Variants in BLM observed in about 807,000 individuals in gnomAD.
The protein encoded by BLM is recQ-like DNA helicase BLM.
Under a neutral mutation model 135.3 loss-of-function variants are expected in BLM, and 95 were observed. The ratio of observed to expected loss-of-function variants is 0.70; its 90% CI spans 0.59 to 0.83. The LOEUF (loss-of-function observed/expected upper bound fraction) is 0.83. BLM is among the 40% of genes least tolerant of loss of function. BLM has a pLI of 0.00. For synonymous variants in BLM, 520 were observed against 589.2 expected (o/e 0.88, Z 1.70); for missense variants, 1,518 against 1,663.9 (o/e 0.91, Z 1.53).
intron 1 of BLM, among the ~76,000 whole-genome samples, chr15:90,723,922 C>T (rs1894837536): frequency 6.6e-6 from 1 of 151,998 alleles, no homozygotes; most frequent in African/African-American, 2.4e-5. Context: ...GACTGGCTTA[C>T]TTCACTTTGC....
chr15:90,718,859 A>T (rs901923093), intron 1 of BLM, among the ~76,000 whole-genome samples: 1 of 152,234 alleles, frequency 6.6e-6, no homozygotes, highest in African/African-American at 2.4e-5. Context: ...GCTTCAGGAC[A>T]GGTGGTATTA....
intron 4 of BLM, among the ~76,000 whole-genome samples, chr15:90,752,487 G>T (rs1247148942): frequency 6.6e-6 from 1 of 151,968 alleles, no homozygotes; most frequent in African/African-American, 2.4e-5. Context: ...TTATATAGTT[G>T]ATTTTGACAT....
At chr15:90,804,026 G>A (rs1897228019) in intron 18 of BLM, 141 bp from the exon 19 acceptor site, 4 of 789,212 alleles carry the variant, frequency 5.1e-6, no homozygotes. Context: ...AGAATGCACA[G>A]CCCCTGTTCC....
In BLM at chr15:90,760,610, G is replaced by A. The variant is rs887921909; in HGVS notation, c.1237G>A (p.Glu413Lys). ...QRNIRRKLLT[E>K]VDFNKSDASL... ...TCTCTTCAGAAGGAAACTTCTAACGGAAGTAGATTTTAATAAAAGTGATGC... is the reference window on the plus strand; with the variant it reads ...TCTCTTCAGAAGGAAACTTCTAACGAAAGTAGATTTTAATAAAAGTGATGC... The change falls in exon 7 of 22, where the codon GAA becomes AAA. Residue 413 changes from glutamate to lysine, a missense_variant. Around this residue, in one of 5 missense-constraint regions of BLM, gnomAD observed 724 missense variants for 756.9 expected, o/e 0.96. Transcript: ENST00000355112. 2.0e-5 allele frequency: 32 copies of A among 1,611,320 alleles called. No homozygotes were observed. The highest frequency in any genetic ancestry group is 1.2e-4 in the African/African-American group (9 of 74,856).
intron 7 of BLM, among the ~76,000 whole-genome samples, chr15:90,761,788 G>T (rs962849778): frequency 1.4e-4 from 22 of 152,114 alleles, no homozygotes; most frequent in African/African-American, 5.1e-4. Context: ...CATGTGCTAT[G>T]TTGGGCGCCG....
rs1415034655 is a variant in BLM at position 90,811,473 on chromosome 15, T to C, written c.4076+67T>C. 2.7e-6 allele frequency: 4 copies of C among 1,496,294 alleles called. No homozygotes were observed. The East Asian group carries it at 6.9e-5, about 26-fold the overall frequency. 92.7% of individuals were successfully genotyped at this position (1,496,294 alleles called of 1,614,324 possible). A position where few individuals can be genotyped will look rare whatever the true frequency, so the allele number is the denominator to read the frequency against. On this transcript the variant is annotated intron_variant, in intron 21 of 21. Coordinates refer to ENST00000355112, the MANE Select transcript of BLM (RefSeq NM_000057.4). ...AGAAAGGACAAAAGTGCAACAGCTCTGCCTTGCTTTGAAGGATTTATTAAA... is the reference window on the plus strand; with the variant it reads ...AGAAAGGACAAAAGTGCAACAGCTCCGCCTTGCTTTGAAGGATTTATTAAA...
intron 17 of BLM, among the ~76,000 whole-genome samples, chr15:90,800,244 C>A (rs1897132260): frequency 6.6e-6 from 1 of 152,184 alleles, no homozygotes; most frequent in Admixed American, 6.5e-5. Flanking sequence ...AGCTTAATAT[C>A]AGCAATCCTG....
intron 1 of BLM, among the ~76,000 whole-genome samples, chr15:90,746,036 C>G (rs1164479820): frequency 6.6e-6 from 1 of 152,114 alleles, no homozygotes; most frequent in African/African-American, 2.4e-5. Flanking sequence ...TGTGATTGAG[C>G]CAGTGTACTC....
intron 1 of BLM, 43 bp downstream of exon 1, chr15:90,717,483 T>G (rs1894635459): frequency 6.6e-6 from 1 of 152,516 alleles, no homozygotes; most frequent in African/African-American, 2.4e-5. Flanking sequence ...CGCATTGATC[T>G]AGCCCTGCTC....
At chr15:90,751,291 G>A (rs925677088) in intron 3 of BLM, among the ~76,000 whole-genome samples, 2 of 152,180 alleles carry the variant, frequency 1.3e-5, no homozygotes, top group African/African-American at 2.4e-5. Context: ...CATCAATGAT[G>A]CCTCTGTTTC....
intron 19 of BLM, 147 bp downstream of exon 19, chr15:90,804,506 C>T (rs576023882): frequency 2.3e-5 from 20 of 879,642 alleles, no homozygotes; most frequent in East Asian, 2.1e-4. Context: ...CTGTGTCACC[C>T]GGGCTGGAGT....
chr15:90,805,749 TC>T (rs1049982590), intron 19 of BLM, among the ~76,000 whole-genome samples: 27 of 151,676 alleles, frequency 1.8e-4, no homozygotes, highest in Admixed American at 5.2e-4. Context: ...CAGGCTAGTC[TC>T]GAACTCCTGA....
Position 90,770,069 on chromosome 15 carries a change from G to A in BLM, c.2555+483G>A, listed in dbSNP as rs61118827. On this transcript the variant is annotated intron_variant, in intron 12 of 21. Coordinates refer to ENST00000355112, the MANE Select transcript of BLM (RefSeq NM_000057.4). ...TTGAAAATAGTCCAGATACTATGTCGAATAGCTTTTTTACTTTGTTTTCTT... is the reference window on the plus strand; with the variant it reads ...TTGAAAATAGTCCAGATACTATGTCAAATAGCTTTTTTACTTTGTTTTCTT... Among the ~76,000 whole-genome samples, 578 of 151,874 alleles carry A rather than the reference G, an allele frequency of 3.8e-3. 5 individuals carry two copies. The highest frequency in any genetic ancestry group is 0.012 in the African/African-American group (509 of 41,396).
At chr15:90,788,013 A>G (rs901434536) in intron 14 of BLM, among the ~76,000 whole-genome samples, 31 of 152,130 alleles carry the variant, frequency 2.0e-4, no homozygotes, top group African/African-American at 7.2e-4. Flanking sequence ...TAAGAGCAGA[A>G]TTATATATTA....
intron 21 of BLM, among the ~76,000 whole-genome samples, chr15:90,812,758 C>T (rs1205299309): frequency 6.6e-6 from 1 of 152,170 alleles, no homozygotes; most frequent in Non-Finnish European, 1.5e-5. Flanking sequence ...GAAAGGAAGG[C>T]AGACATTACC....
intron 1 of BLM, among the ~76,000 whole-genome samples, chr15:90,731,486 C>T (rs1264012293): frequency 1.3e-5 from 2 of 152,236 alleles, no homozygotes; most frequent in Admixed American, 6.5e-5. Flanking sequence ...AACTCACCTG[C>T]GCCACTCTGG....
intron 1 of BLM, among the ~76,000 whole-genome samples, chr15:90,732,416 T>G (rs1432358377): frequency 6.6e-6 from 1 of 151,844 alleles, no homozygotes; most frequent in African/African-American, 2.4e-5. Flanking sequence ...GTAGAAATAT[T>G]ATAATTCTGA....
intron 1 of BLM, among the ~76,000 whole-genome samples, chr15:90,730,177 A>T (rs1470013412): frequency 6.6e-6 from 1 of 152,144 alleles, no homozygotes; most frequent in Non-Finnish European, 1.5e-5. Context: ...ATTTAATCTG[A>T]AGATTCTTTT....
intron 19 of BLM, among the ~76,000 whole-genome samples, chr15:90,806,409 C>T (rs1029330981): frequency 2.6e-5 from 4 of 151,660 alleles, no homozygotes; most frequent in Non-Finnish European, 5.9e-5. Context: ...TACTTGGGAA[C>T]CTGAGGCAGG....
Sources: allele counts gnomAD v4.1 joint callset (sites outside exome capture counted in the v4.1 genomes callset), GRCh38; gene constraint gnomAD v4.1.1; regional missense constraint gnomAD v4.1.1; transcripts MANE v1.5; gene names NCBI Gene and HGNC (gene_info 2026-07-23, HGNC 2026-07-21).